The following CCL17 variants were observed in gnomAD, a reference collection of about 807,000 sequenced individuals.
CCL17 encodes C-C motif chemokine 17.
A neutral mutation model predicts 7.4 loss-of-function variants in CCL17; 8 were observed. The ratio of observed to expected loss-of-function variants is 1.09; its 90% confidence interval spans 0.64 to 1.96. The LOEUF is 1.96. Among genes scored for constraint, CCL17 ranks in the 30% most tolerant of loss-of-function variants. CCL17 has a pLI of 0.00. For synonymous variants in CCL17, 40 were observed against 46.1 expected, an observed-to-expected ratio of 0.87 and a Z score of 0.54; for missense variants, 102 against 113.0, an observed-to-expected ratio of 0.90 and a Z score of 0.44.
upstream of CCL17, among the ~76,000 whole-genome samples, chr16:57,402,188 G>T (rs1412306353): frequency 6.6e-6 from 1 of 152,210 alleles, no homozygotes; most frequent in Non-Finnish European, 1.5e-5. Flanking sequence ...AGTGGCCACA[G>T]CCCTTCCCAA....
intron 1 of CCL17, among the ~76,000 whole-genome samples, chr16:57,406,073 A>G (rs1232829567): frequency 6.6e-6 from 1 of 151,752 alleles, no homozygotes; most frequent in African/African-American, 2.4e-5. Flanking sequence ...ATCCAGAGGT[A>G]AAAGATCTGG....
At chr16:57,412,135 G>A (rs1902794283) in intron 1 of CCL17, among the ~76,000 whole-genome samples, 1 of 152,224 alleles carries the variant, frequency 6.6e-6, no homozygotes, top group African/African-American at 2.4e-5. Context: ...TACCGTTTTG[G>A]CAGAGCTCTG....
intron 1 of CCL17, among the ~76,000 whole-genome samples, chr16:57,405,987 A>G (rs1902689722): frequency 6.6e-6 from 1 of 151,942 alleles, no homozygotes; most frequent in Admixed American, 6.6e-5. Flanking sequence ...GCTTGCAGTA[A>G]GCCGAGATAG....
Position 57,415,177 on chromosome 16 carries a change from A to G in CCL17, c.167A>G (p.Asp56Gly), listed in dbSNP as rs754192130. Residue 56 changes from aspartate to glycine, a missense_variant, in exon 3 of 4, where the codon GAC becomes GGC. By Grantham distance (94) the Asp-to-Gly change is moderately conservative (BLOSUM62 -1). Transcript: ENST00000219244. This position sits in a 1 kb window ranked among gnomAD's most constrained non-coding sequence, Gnocchi z 4.5. ...AAGACGTGGTACCAGACATCTGAGGACTGCTCCAGGGATGCCATCGTGTAA... is the reference window on the plus strand; with the variant it reads ...AAGACGTGGTACCAGACATCTGAGGGCTGCTCCAGGGATGCCATCGTGTAA... Reference protein sequence around the residue: ...KLKTWYQTSEDCSRDAIVFVT... With the variant: ...KLKTWYQTSEGCSRDAIVFVT... 13 of 1,611,644 alleles carry G rather than the reference A, an allele frequency of 8.1e-6. No individual in the cohort carries two copies. The highest frequency in any genetic ancestry group is 1.1e-5 in the Non-Finnish European group (13 of 1,177,768).
intron 1 of CCL17, among the ~76,000 whole-genome samples, chr16:57,409,423 G>A (rs1902750179): frequency 6.6e-6 from 1 of 152,244 alleles, no homozygotes; most frequent in Admixed American, 6.5e-5. Context: ...GCCTGGAGAA[G>A]TAGGCAGAAA....
intron 1 of CCL17, among the ~76,000 whole-genome samples, chr16:57,411,133 C>G (rs1902778056): frequency 6.6e-6 from 1 of 152,238 alleles, no homozygotes; most frequent in South Asian, 2.1e-4. Flanking sequence ...CCACCTCTTT[C>G]AGGCAGCCTT....
At chr16:57,412,820 C>T (rs546070823) in intron 1 of CCL17, among the ~76,000 whole-genome samples, 27 of 152,266 alleles carry the variant, frequency 1.8e-4, no homozygotes, top group East Asian at 1.2e-3. Context: ...ACAGGGCGAC[C>T]GGCAATTTCC....
Position 57,413,963 on chromosome 16 carries a change from A to G in CCL17, c.31A>G (p.Thr11Ala), listed in dbSNP as rs1555512020. ...CCCACTGAAGATGCTGGCCCTGGTC[A>G]CCCTCCTCCTGGGGGCTTCTCTGCA... is the stretch of plus-strand genomic sequence containing the variant. MAPLKMLALV[T>A]LLLGASLQHI... Residue 11 changes from threonine to alanine, a missense_variant, in exon 2 of 4, where the codon ACC becomes GCC. Transcript: ENST00000219244. 2 of 1,610,474 alleles carry G rather than the reference A, an allele frequency of 1.2e-6. No homozygotes were observed. Among genetic ancestry groups the G allele is most frequent in the Non-Finnish European group, 1.7e-6 (2 of 1,178,658 alleles).
At chr16:57,414,378 G>C (rs1264744335) in intron 2 of CCL17, among the ~76,000 whole-genome samples, 1 of 143,756 alleles carries the variant, frequency 7.0e-6, no homozygotes, top group Non-Finnish European at 1.5e-5. Context: ...AAAGATAGGA[G>C]AATTGTTTCC....
upstream of CCL17, among the ~76,000 whole-genome samples, chr16:57,403,599 AT>A (rs1902647898): frequency 3.0e-5 from 2 of 65,838 alleles, no homozygotes; most frequent in Non-Finnish European, 5.4e-5. Context: ...TATATTTATA[AT>A]ATATATAATA....
chr16:57,401,446 C>T (rs1302530561), upstream of CCL17, among the ~76,000 whole-genome samples: 1 of 151,624 alleles, frequency 6.6e-6, no homozygotes, highest in Non-Finnish European at 1.5e-5. Context: ...GTCGCTTGAA[C>T]CCTGGAGGTA....
upstream of CCL17, among the ~76,000 whole-genome samples, chr16:57,400,263 C>G (rs427956): frequency 0.35 from 52,282 of 151,320 alleles, 12,371 homozygotes; most frequent in African/African-American, 0.68. Context: ...GGAGGCTGAG[C>G]TAGGAGAATG....
chr16:57,406,202 G>T (rs1407770228), intron 1 of CCL17, among the ~76,000 whole-genome samples: 1 of 152,160 alleles, frequency 6.6e-6, no homozygotes, highest in Non-Finnish European at 1.5e-5. Flanking sequence ...GATTTATTTT[G>T]TTGTTGTTGA....
chr16:57,400,710 T>G (rs771954098), upstream of CCL17, among the ~76,000 whole-genome samples: 2 of 152,192 alleles, frequency 1.3e-5, no homozygotes, highest in Non-Finnish European at 2.9e-5. Context: ...GGCTCATGCC[T>G]GTAATCCCAG....
At chr16:57,408,992 G>A (rs1257034771) in intron 1 of CCL17, among the ~76,000 whole-genome samples, 1 of 152,166 alleles carries the variant, frequency 6.6e-6, no homozygotes, top group Non-Finnish European at 1.5e-5. Flanking sequence ...TTACAGGTGT[G>A]AGCCACCAAA....
upstream of CCL17, among the ~76,000 whole-genome samples, chr16:57,403,585 A>AAT (rs1567561200): frequency 4.1e-5 from 2 of 48,660 alleles, no homozygotes; most frequent in East Asian, 5.5e-4. Flanking sequence ...TAATATATAT[A>AAT]ATATATATTT....
At chr16:57,414,393 G>T (rs1025344902) in intron 2 of CCL17, among the ~76,000 whole-genome samples, 1 of 144,692 alleles carries the variant, frequency 6.9e-6, no homozygotes, top group Non-Finnish European at 1.5e-5. Context: ...GTTTCCAAGA[G>T]CATGTAAAAA....
chr16:57,402,634 G>T (rs973352434), upstream of CCL17, among the ~76,000 whole-genome samples: 10 of 152,276 alleles, frequency 6.6e-5, no homozygotes, highest in African/African-American at 2.2e-4. Flanking sequence ...GATGTTCCTT[G>T]GAAAGAGAGT....
upstream of CCL17, among the ~76,000 whole-genome samples, chr16:57,400,284 G>A (rs537544009): frequency 2.0e-5 from 3 of 152,170 alleles, no homozygotes; most frequent in Admixed American, 6.5e-5. Flanking sequence ...GCGTGAACCC[G>A]AGAGGCGGAG....
Sources: allele counts gnomAD v4.1 joint callset (sites outside exome capture counted in the v4.1 genomes callset), GRCh38; gene constraint gnomAD v4.1.1; non-coding constraint Gnocchi (gnomAD v3.1); transcripts MANE v1.5; gene names NCBI Gene and HGNC (gene_info 2026-07-23, HGNC 2026-07-21).